ANKRD27: variants seen among roughly 807,000 people sequenced by gnomAD.
ANKRD27 encodes ankyrin repeat domain 27, also known as ankyrin repeat domain-containing protein 27.
In ANKRD27, 112 loss-of-function variants were observed where a neutral mutation model predicts 129.7. The ratio of observed to expected loss-of-function variants is 0.86; its 90% CI spans 0.74 to 1.01. The LOEUF is 1.01. Among genes scored for constraint, ANKRD27 ranks in the 50% least tolerant of loss-of-function variants. The pLI is 0.00. For synonymous variants in ANKRD27, 516 were observed against 511.2 expected, an observed-to-expected ratio of 1.01 and a Z score of -0.13; for missense variants, 1,258 against 1,300.5, an observed-to-expected ratio of 0.97 and a Z score of 0.50.
chr19:32,674,145 A>G (rs1472937752), intron 1 of ANKRD27, among the ~76,000 whole-genome samples: 1 of 152,196 alleles, frequency 6.6e-6, no homozygotes, highest in Non-Finnish European at 1.5e-5. Context: ...CAACAGAGCC[A>G]GACCCTGTCT....
chr19:32,619,358 G>A lies in ANKRD27; in HGVS notation c.1909C>T (p.Arg637Cys), dbSNP rs370618379. 2.9e-5 allele frequency: 46 copies of A among 1,613,572 alleles called. No individual in the cohort carries two copies. Among genetic ancestry groups the A allele is most frequent in the Admixed American group, 1.3e-4 (8 of 59,980 alleles). The change falls in exon 20 of 29, where the codon CGC becomes TGC. Residue 637 changes from arginine to cysteine, a missense_variant. By Grantham distance (180) the Arg-to-Cys change is radical (BLOSUM62 -3). Transcript: ENST00000306065. ...TCTTGGCTGATGGAGTCCACGGAGCGCTGCGGGGACTGCACAGGGGCCTGC... is the reference window on the plus strand; with the variant it reads ...TCTTGGCTGATGGAGTCCACGGAGCACTGCGGGGACTGCACAGGGGCCTGC... Reference protein sequence around the residue: ...SSEAPVQSPQRSVDSISQESS... With the variant: ...SSEAPVQSPQCSVDSISQESS...
intron 20 of ANKRD27, among the ~76,000 whole-genome samples, chr19:32,618,559 T>C (rs984934174): frequency 1.4e-4 from 22 of 152,136 alleles, no homozygotes; most frequent in African/African-American, 5.3e-4. Flanking sequence ...AGGTCTCCGT[T>C]AGACTCTGGA....
At chr19:32,610,287 C>T (rs530185629) in intron 22 of ANKRD27, among the ~76,000 whole-genome samples, 28 of 150,782 alleles carry the variant, frequency 1.9e-4, no homozygotes, top group African/African-American at 6.1e-4. Flanking sequence ...TCCAGCCTGG[C>T]GACAGAGCAA....
intron 1 of ANKRD27, among the ~76,000 whole-genome samples, chr19:32,665,788 G>T (rs897485186): frequency 6.6e-6 from 1 of 150,946 alleles, no homozygotes; most frequent in Admixed American, 6.6e-5. Flanking sequence ...CGAGACAGAG[G>T]TCTTGCTCTG....
intron 2 of ANKRD27, among the ~76,000 whole-genome samples, chr19:32,651,530 C>T (rs1186414961): frequency 6.6e-6 from 1 of 152,128 alleles, no homozygotes; most frequent in African/African-American, 2.4e-5. Context: ...CCACCACACC[C>T]GGCTAATTTT....
chr19:32,662,979 T>C (rs1967675054), intron 1 of ANKRD27, among the ~76,000 whole-genome samples: 1 of 151,884 alleles, frequency 6.6e-6, no homozygotes, highest in African/African-American at 2.4e-5. Context: ...GAGGCAGAGG[T>C]TGCAGTGAGC....
At chr19:32,647,179 G>A (rs973042509) in intron 3 of ANKRD27, among the ~76,000 whole-genome samples, 4 of 152,146 alleles carry the variant, frequency 2.6e-5, no homozygotes, top group East Asian at 1.9e-4. Flanking sequence ...ACAGTGCCTC[G>A]GTCTTTCTTT....
intron 26 of ANKRD27, among the ~76,000 whole-genome samples, chr19:32,601,038 C>T (rs912498505): frequency 6.6e-6 from 1 of 152,170 alleles, no homozygotes; most frequent in Admixed American, 6.5e-5. Context: ...GTGGCTCACA[C>T]CTGTAACTCC....
intron 1 of ANKRD27, among the ~76,000 whole-genome samples, chr19:32,671,004 A>T (rs942869980): frequency 6.6e-6 from 1 of 151,948 alleles, no homozygotes. Context: ...ACAAAAAAAA[A>T]TCTGTAATAT....
rs535017425 is a variant in ANKRD27, at chr19:32,651,896, G to T, written c.103-2104C>A. Among the ~76,000 whole-genome samples, 7 of 152,258 alleles carry T rather than the reference G, an allele frequency of 4.6e-5. No homozygotes were observed. The South Asian group carries it at 1.2e-3, about 27-fold the overall frequency. On this transcript the variant is annotated intron_variant, in intron 2 of 28. Transcript: ENST00000306065. ...TCAGGACCAACCCTTCCCCCAACTA[G>T]TTTTCTGGCAGACATAAAAAGGAGC...
intron 24 of ANKRD27, 125 bp downstream of exon 24, chr19:32,605,710 C>T: frequency 7.4e-7 from 1 of 1,350,792 alleles, no homozygotes; most frequent in South Asian, 1.3e-5. Context: ...GCTCCTCTCC[C>T]CAGAGGCCTG....
intron 23 of ANKRD27, among the ~76,000 whole-genome samples, chr19:32,606,623 A>G (rs901890034): frequency 1.1e-4 from 4 of 34,938 alleles, no homozygotes; most frequent in African/African-American, 2.7e-4. Context: ...TCACCTTTCT[A>G]TCCTTTCTAC....
At chr19:32,665,382 C>T (rs10415176) in intron 1 of ANKRD27, among the ~76,000 whole-genome samples, 15,350 of 151,384 alleles carry the variant, frequency 0.1, 2,493 homozygotes, top group African/African-American at 0.34. Context: ...CTTTGCCTCC[C>T]GGGTTCAAGC....
At chr19:32,615,540 T>A in intron 22 of ANKRD27, 118 bp downstream of exon 22, 1 of 1,528,228 alleles carries the variant, frequency 6.5e-7, no homozygotes, top group Non-Finnish European at 9.0e-7. Flanking sequence ...GTCATGACTG[T>A]ACCACTGCAC....
intron 18 of ANKRD27, among the ~76,000 whole-genome samples, chr19:32,620,404 CA>C (rs368500402): frequency 7.0e-5 from 10 of 143,618 alleles, no homozygotes; most frequent in South Asian, 2.2e-4. Flanking sequence ...AATAAAAATA[CA>C]AAAAAAAAAT....
At chr19:32,606,041 A>G in intron 23 of ANKRD27, 87 bp from the exon 24 acceptor site, 4 of 1,217,788 alleles carry the variant, frequency 3.3e-6, no homozygotes, top group Non-Finnish European at 4.4e-6. Context: ...AAATAAATAA[A>G]TAAATAAAAT....
At chr19:32,633,048 G>A (rs1020194663) in intron 12 of ANKRD27, among the ~76,000 whole-genome samples, 1 of 152,150 alleles carries the variant, frequency 6.6e-6, no homozygotes, top group Non-Finnish European at 1.5e-5. Context: ...CACAGCTGAG[G>A]AGCTTAGGGT....
At chr19:32,607,231 C>G (rs1346909430) in intron 23 of ANKRD27, among the ~76,000 whole-genome samples, 1 of 151,934 alleles carries the variant, frequency 6.6e-6, no homozygotes, top group Non-Finnish European at 1.5e-5. Context: ...TCCTTGAGCC[C>G]CTCTATGGGG....
intron 1 of ANKRD27, among the ~76,000 whole-genome samples, chr19:32,660,249 G>A (rs1277291013): frequency 6.6e-6 from 1 of 152,192 alleles, no homozygotes; most frequent in East Asian, 1.9e-4. Flanking sequence ...TGAGATCAGT[G>A]CCCGTAATTA....
Sources: gnomAD v4.1 joint callset for allele counts (sites outside exome capture counted in the v4.1 genomes callset) on GRCh38, gnomAD v4.1.1 for gene constraint, MANE v1.5 for transcripts, NCBI Gene and HGNC (gene_info 2026-07-23, HGNC 2026-07-21) for gene names.